Variants in RIMBP2 observed in about 807,000 individuals in gnomAD.
RIMBP2 encodes the protein RIMS-binding protein 2.
RIMBP2 carries 48 observed loss-of-function variants against 118.6 expected under a neutral mutation model. The ratio of observed to expected loss-of-function variants is 0.40; its 90% CI spans 0.32 to 0.51. The LOEUF is 0.51. Among genes scored for constraint, RIMBP2 ranks in the 20% least tolerant of loss-of-function variants. The pLI is 0.41. For missense variants in RIMBP2, 1,551 were observed against 1,768.3 expected (o/e 0.88, Z 2.20); for synonymous variants, 762 against 742.9 (o/e 1.03, Z -0.42).
At chr12:130,604,303 A>C (rs1489644885) in intron 2 of RIMBP2, among the ~76,000 whole-genome samples, 1 of 151,780 alleles carries the variant, frequency 6.6e-6, no homozygotes, top group African/African-American at 2.4e-5. Context: ...AAAAAAAAAA[A>C]AAAAACCTCA....
At position 130,532,765 on chromosome 12, in the gene RIMBP2, G is replaced by GT. The variant is rs557975819; in HGVS notation, c.-216-14849dup. 4.7e-4 allele frequency among the ~76,000 whole-genome samples: 68 copies of GT among 145,008 alleles called. 1 individual carries two copies. Among genetic ancestry groups the GT allele is most frequent in the Non-Finnish European group, 3.0e-4 (20 of 66,130 alleles). Reference sequence around the variant, plus strand: ...CTAGGAGTTACATCTAATGAGATGCGTGTGTTCAGCCTCTAGGAGTTACGT... The same window carrying GT: ...CTAGGAGTTACATCTAATGAGATGCGTTGTGTTCAGCCTCTAGGAGTTACGT... On this transcript the variant is annotated intron_variant, in intron 2 of 22. Coordinates refer to ENST00000690449, the MANE Select transcript of RIMBP2 (RefSeq NM_001393629.1).
chr12:130,412,175 C>T (rs2075769965), intron 19 of RIMBP2, among the ~76,000 whole-genome samples: 1 of 151,926 alleles, frequency 6.6e-6, no homozygotes, highest in African/African-American at 2.4e-5. Flanking sequence ...TCATGTCTAC[C>T]CAAACTAAAG....
chr12:130,497,497 G>A (rs2049299586), intron 4 of RIMBP2, among the ~76,000 whole-genome samples: 1 of 152,214 alleles, frequency 6.6e-6, no homozygotes, highest in Non-Finnish European at 1.5e-5. Context: ...CCGACGAACA[G>A]AACTGTCTCA....
In RIMBP2 at chr12:130,446,816, G is replaced by A. The variant is rs929662652; in HGVS notation, c.582-1547C>T. 4.6e-5 allele frequency among the ~76,000 whole-genome samples: 7 copies of A among 152,178 alleles called. No homozygotes were observed. The highest frequency in any genetic ancestry group is 1.2e-4 in the African/African-American group (5 of 41,436). Reference sequence around the variant, plus strand: ...TGTTTGCGTTTTACAAAGAGACCTCGTGGGTGCTGTGTGGATGGAGCTTGG... The same window carrying A: ...TGTTTGCGTTTTACAAAGAGACCTCATGGGTGCTGTGTGGATGGAGCTTGG... On this transcript the variant is annotated intron_variant, in intron 9 of 22. Transcript: ENST00000690449. The surrounding 1 kb of genome is among the most constrained non-coding windows in gnomAD (Gnocchi z 4.1).
chr12:130,463,434 C>T (rs2080181978), intron 6 of RIMBP2, among the ~76,000 whole-genome samples: 4 of 152,158 alleles, frequency 2.6e-5, no homozygotes, highest in Admixed American at 2.6e-4. Flanking sequence ...ACAGCAGAGG[C>T]TCGCAAATGT....
chr12:130,658,935 T>TCCCTTCCTCCACCATGCCAAC, intron 1 of RIMBP2: 1 of 150,940 alleles, frequency 6.6e-6, no homozygotes, highest in East Asian at 2.0e-4. Context: ...CCTCACTCAA[T>TCCCTTCCTCCACCATGCCAAC]CTCCCTTCCT....
At position 130,499,457 on chromosome 12, in the gene RIMBP2, T is replaced by A. The variant is rs141560197; in HGVS notation, c.-4+7191A>T. 5.7e-3 allele frequency among the ~76,000 whole-genome samples: 861 copies of A among 152,270 alleles called. 10 individuals carry two copies. The highest frequency in any genetic ancestry group is 0.02 in the African/African-American group (834 of 41,534). ...TACTGTTGAAAACCCTCTAATGGCT[T>A]CCCATCTCGCTCAGGAAGGAAAGAG... On this transcript the variant is annotated intron_variant, in intron 4 of 22. Coordinates refer to ENST00000690449, the MANE Select transcript of RIMBP2 (RefSeq NM_001393629.1).
At chr12:130,509,117 C>T (rs1480262642) in intron 3 of RIMBP2, among the ~76,000 whole-genome samples, 1 of 152,206 alleles carries the variant, frequency 6.6e-6, no homozygotes, top group East Asian at 1.9e-4. Context: ...TGCTGGCGAG[C>T]CTGGCCCTTG....
At chr12:130,664,425 A>ACACACGCACGCACACG (rs2063812116) in intron 1 of RIMBP2, among the ~76,000 whole-genome samples, 1 of 76,988 alleles carries the variant, frequency 1.3e-5, no homozygotes. Flanking sequence ...ACACACGCAC[A>ACACACGCACGCACACG]CACATGCATG....
Position 130,450,427 on chromosome 12 carries a change from C to A in RIMBP2, c.505-151G>T. The stretch of plus-strand genomic sequence containing the variant: ...CTCCCAGGAGGCACTGCCACCCGCA[C>A]ACCCACATGCGAGCTTGGAAAGGAG... On this transcript the variant is annotated intron_variant, in intron 8 of 22. Coordinates refer to ENST00000690449, the MANE Select transcript of RIMBP2 (RefSeq NM_001393629.1). This position sits in a 1 kb window ranked among gnomAD's most constrained non-coding sequence, Gnocchi z 4.8. The A allele has an allele frequency of 1.5e-6, 1 of 652,132 alleles. No homozygotes were observed. The highest frequency in any genetic ancestry group is 1.7e-5 in the South Asian group (1 of 58,008). The allele number at this position is 652,132 out of a possible 1,614,324, so 40.4% of individuals were successfully genotyped here.
Position 130,414,093 on chromosome 12 carries a change from G to T in RIMBP2, c.3420+32C>A, listed in dbSNP as rs765814253. ...ATGACCCAGACCCGCCTCAGGGGCT[G>T]ATGAAGCCGCCCGCAGGCAGCCATC... On this transcript the variant is annotated intron_variant, in intron 18 of 22. Transcript: ENST00000690449. 3.7e-6 allele frequency: 6 copies of T among 1,612,150 alleles called. No homozygotes were observed. The Admixed American group carries it at 1.0e-4, about 27-fold the overall frequency.
At position 130,678,570 on chromosome 12, in the gene RIMBP2, C is replaced by T. The variant is rs145361029; in HGVS notation, c.-352+37652G>A. On this transcript the variant is annotated intron_variant, in intron 1 of 22. Transcript: ENST00000690449. ...TCTCACTCTGTTGCCCAGGCTGGAG[C>T]GCAGTGGCACGATCTCGGCTCACTG... 8.1e-3 allele frequency among the ~76,000 whole-genome samples: 1,237 copies of T among 152,098 alleles called. 7 individuals carry two copies. Among genetic ancestry groups the T allele is most frequent in the Non-Finnish European group, 0.014 (958 of 67,986 alleles).
At chr12:130,569,058 A>G (rs2057438421) in intron 2 of RIMBP2, among the ~76,000 whole-genome samples, 2 of 151,872 alleles carry the variant, frequency 1.3e-5, no homozygotes, top group African/African-American at 4.8e-5. Flanking sequence ...CATGTATTTT[A>G]TGACTGTCTT....
At chr12:130,616,647 C>G (rs923697126) in intron 2 of RIMBP2, among the ~76,000 whole-genome samples, 2 of 152,208 alleles carry the variant, frequency 1.3e-5, no homozygotes, top group Admixed American at 6.5e-5. Context: ...ATAGAGGTTA[C>G]GGAATCTTCC....
In RIMBP2 at chr12:130,647,088, G is replaced by A. The variant is rs116846619; in HGVS notation, c.-351-18632C>T. On this transcript the variant is annotated intron_variant, in intron 1 of 22. Coordinates refer to ENST00000690449, the MANE Select transcript of RIMBP2 (RefSeq NM_001393629.1). ...AAAGGAAAATCTTGGGTTCCTTCAC[G>A]GGGAATTCCAGGCACCTAATTGGCC... is the stretch of plus-strand genomic sequence containing the variant. Among the ~76,000 whole-genome samples the A allele has an allele frequency of 1.4e-3, 206 of 152,302 alleles. 1 individual carries two copies. The East Asian group carries it at 0.019, about 14-fold the overall frequency.
chr12:130,700,677 G>C (rs983688173), intron 1 of RIMBP2, among the ~76,000 whole-genome samples: 1 of 152,222 alleles, frequency 6.6e-6, no homozygotes, highest in African/African-American at 2.4e-5. Context: ...CCCTGCCAGC[G>C]CCTGGATCTC....
chr12:130,450,297 G>A lies in RIMBP2; in HGVS notation c.505-21C>T, dbSNP rs1226348097. On this transcript the variant is annotated intron_variant, in intron 8 of 22. Coordinates refer to ENST00000690449, the MANE Select transcript of RIMBP2 (RefSeq NM_001393629.1). This position sits in a 1 kb window ranked among gnomAD's most constrained non-coding sequence, Gnocchi z 4.8. ...TCCATCTGTGAAAAAGGCAATGGGTGTGTGGGTTATTGAAGCTGGAGGTGT... is the reference window on the plus strand; with the variant it reads ...TCCATCTGTGAAAAAGGCAATGGGTATGTGGGTTATTGAAGCTGGAGGTGT... 1.3e-6 allele frequency: 2 copies of A among 1,582,064 alleles called. No homozygotes were observed. Among genetic ancestry groups the A allele is most frequent in the Non-Finnish European group, 1.7e-6 (2 of 1,156,154 alleles).
intron 7 of RIMBP2, among the ~76,000 whole-genome samples, chr12:130,452,436 C>T (rs1037687132): frequency 6.6e-6 from 1 of 152,218 alleles, no homozygotes; most frequent in African/African-American, 2.4e-5. Context: ...AACATCTGAT[C>T]CTGGAGGGCA....
At chr12:130,411,556 A>C (rs1482348213) in intron 19 of RIMBP2, among the ~76,000 whole-genome samples, 2 of 151,828 alleles carry the variant, frequency 1.3e-5, no homozygotes, top group African/African-American at 4.8e-5. Context: ...AATAGCATAA[A>C]AAATTTTAAT....
Sources: gnomAD v4.1 joint callset for allele counts (sites outside exome capture counted in the v4.1 genomes callset) on GRCh38, gnomAD v4.1.1 for gene constraint, Gnocchi (gnomAD v3.1) non-coding constraint, MANE v1.5 for transcripts, NCBI Gene and HGNC (gene_info 2026-07-23, HGNC 2026-07-21) for gene names.